Variants in CXADR observed in about 807,000 individuals in gnomAD.
CXADR encodes the protein CXADR cell adhesion molecule, also known as coxsackievirus and adenovirus receptor.
Under a neutral mutation model 40.3 loss-of-function variants are expected in CXADR, and 20 were observed. The observed-to-expected ratio is 0.50, with a 90% CI of 0.35 to 0.72. The LOEUF is 0.72. Ranked by LOEUF, CXADR falls within the 30% of genes least tolerant of loss-of-function variation. The pLI is 0.01. For synonymous variants in CXADR, 150 were observed against 161.3 expected (o/e 0.93, Z 0.53); for missense variants, 332 against 449.1 (o/e 0.74, Z 2.36).
chr21:17,518,945 C>A (rs1275745332), intron 1 of CXADR: 1 of 1,608,210 alleles, frequency 6.2e-7, no homozygotes, highest in African/African-American at 1.3e-5. Context: ...GTACCCTTGC[C>A]CCCTATCCGG....
intron 3 of CXADR, among the ~76,000 whole-genome samples, chr21:17,555,300 TCA>T (rs2061020494): frequency 6.6e-6 from 1 of 152,210 alleles, no homozygotes; most frequent in Non-Finnish European, 1.5e-5. Flanking sequence ...GTGTAGTGGC[TCA>T]GTCATCACTG....
At chr21:17,596,696 A>C (rs896796694), downstream of CXADR, among the ~76,000 whole-genome samples, 1 of 152,082 alleles carries the variant, frequency 6.6e-6, no homozygotes, top group Admixed American at 6.6e-5. Context: ...AATATATAAT[A>C]GCTTTGAATT....
At chr21:17,534,210 C>T (rs1307201801) in intron 1 of CXADR, among the ~76,000 whole-genome samples, 2 of 142,688 alleles carry the variant, frequency 1.4e-5, no homozygotes, top group South Asian at 2.2e-4. Context: ...GGGTTTCAAG[C>T]GATTCTTCTG....
At position 17,567,332 on chromosome 21, in the gene CXADR, A is replaced by T; in HGVS notation, c.*1640A>T. On this transcript the variant is annotated 3_prime_UTR_variant, in exon 7 of 7. Transcript: ENST00000284878. ...GTAATGGATTTGTGTATAGTTTTACATATTTGGAAGCATTTTAAAAACAGG... is the reference window on the plus strand; with the variant it reads ...GTAATGGATTTGTGTATAGTTTTACTTATTTGGAAGCATTTTAAAAACAGG... 2.0e-6 allele frequency: 2 copies of T among 985,358 alleles called. No individual in the cohort carries two copies. Among genetic ancestry groups the T allele is most frequent in the Non-Finnish European group, 2.4e-6 (2 of 829,832 alleles). 61.0% of individuals were successfully genotyped at this position (985,358 alleles called of 1,614,324 possible).
chr21:17,570,607 C>T (rs1452269232), downstream of CXADR, among the ~76,000 whole-genome samples: 2 of 152,238 alleles, frequency 1.3e-5, no homozygotes, highest in African/African-American at 4.8e-5. Flanking sequence ...GAGTGGAGTC[C>T]TCCTGACTTG....
chr21:17,622,986 T>G, the CXADR span, among the ~76,000 whole-genome samples: 1 of 152,184 alleles, frequency 6.6e-6, no homozygotes, highest in Admixed American at 6.6e-5. Context: ...ATATCTAAAA[T>G]TAAGTGATGA....
the CXADR span, among the ~76,000 whole-genome samples, chr21:17,620,228 G>A: frequency 6.6e-6 from 1 of 152,176 alleles, no homozygotes; most frequent in African/African-American, 2.4e-5. Flanking sequence ...AATGAGAGAT[G>A]TGTGACTCTT....
intron 7 of CXADR, among the ~76,000 whole-genome samples, chr21:17,585,005 T>G (rs1352117770): frequency 6.6e-6 from 1 of 152,230 alleles, no homozygotes; most frequent in Non-Finnish European, 1.5e-5. Context: ...ACAATGTTTG[T>G]TTTTTTCCAT....
chr21:17,604,157 G>A, the CXADR span: 3 of 1,280,390 alleles, frequency 2.3e-6, no homozygotes, highest in African/African-American at 3.2e-5. Flanking sequence ...AATCAAAAAG[G>A]AGGAGGCCGG....
At chr21:17,590,993 G>T (rs1188360763) in intron 7 of CXADR, among the ~76,000 whole-genome samples, 1 of 151,890 alleles carries the variant, frequency 6.6e-6, no homozygotes. Context: ...ATTTATTAGT[G>T]GTTAATCAAT....
intron 7 of CXADR, among the ~76,000 whole-genome samples, chr21:17,592,664 T>TA (rs563042574): frequency 1.3e-4 from 19 of 151,666 alleles, no homozygotes; most frequent in South Asian, 8.3e-4. Context: ...TAACTTTGGT[T>TA]AAAAAAAATT....
chr21:17,522,341 T>C (rs564025652), intron 1 of CXADR, among the ~76,000 whole-genome samples: 13 of 151,728 alleles, frequency 8.6e-5, no homozygotes, highest in Non-Finnish European at 1.9e-4. Context: ...AGAGCGGGGG[T>C]TTCTCCATGT....
At position 17,567,012 on chromosome 21, in the gene CXADR, G is replaced by C. The variant is rs1392235986; in HGVS notation, c.*1320G>C. The C allele has an allele frequency of 1.0e-6, 1 of 980,202 alleles. No homozygotes were observed. The highest frequency in any genetic ancestry group is 1.8e-5 in the African/African-American group (1 of 57,096). 60.7% of individuals were successfully genotyped at this position (980,202 alleles called of 1,614,324 possible). Reference sequence around the variant, plus strand: ...AGGAGTAAAGGGACTACTCCTCCTTGCCAAATGTGCTAAATATCATTTTAG... The same window carrying C: ...AGGAGTAAAGGGACTACTCCTCCTTCCCAAATGTGCTAAATATCATTTTAG... On this transcript the variant is annotated 3_prime_UTR_variant, in exon 7 of 7. Coordinates refer to ENST00000284878, the MANE Select transcript of CXADR (RefSeq NM_001338.5).
At chr21:17,629,997 A>G in the CXADR span, among the ~76,000 whole-genome samples, 2 of 152,208 alleles carry the variant, frequency 1.3e-5, no homozygotes, top group African/African-American at 4.8e-5. Flanking sequence ...AGAATAACCC[A>G]GGATGTCTCC....
chr21:17,626,033 C>A, the CXADR span, among the ~76,000 whole-genome samples: 1 of 152,180 alleles, frequency 6.6e-6, no homozygotes, highest in Non-Finnish European at 1.5e-5. Context: ...TGACATTTAG[C>A]CTTCCCTTCC....
At chr21:17,615,478 T>G in the CXADR span, among the ~76,000 whole-genome samples, 1 of 152,186 alleles carries the variant, frequency 6.6e-6, no homozygotes, top group African/African-American at 2.4e-5. Flanking sequence ...CTATGTATAA[T>G]TTATAAATTA....
chr21:17,518,398 A>C (rs1238959830), intron 1 of CXADR: 1 of 538,842 alleles, frequency 1.9e-6, no homozygotes, highest in African/African-American at 1.9e-5. Context: ...GCTGAACAGC[A>C]TTATTAATAT....
At chr21:17,615,920 C>T in the CXADR span, among the ~76,000 whole-genome samples, 1 of 152,164 alleles carries the variant, frequency 6.6e-6, no homozygotes, top group African/African-American at 2.4e-5. Context: ...ATATGTGAGT[C>T]TTTAAAATCC....
chr21:17,567,793 A>G lies in CXADR; in HGVS notation c.*2101A>G, dbSNP rs1436062060. 4.3e-6 allele frequency: 4 copies of G among 931,082 alleles called. No individual in the cohort carries two copies. The highest frequency in any genetic ancestry group is 5.1e-6 in the Non-Finnish European group (4 of 780,386). The allele number at this position is 931,082 out of a possible 1,614,324, so 57.7% of individuals were successfully genotyped here. A position where few individuals can be genotyped will look rare whatever the true frequency, so the allele number is the denominator to read the frequency against. On this transcript the variant is annotated 3_prime_UTR_variant, in exon 7 of 7. Coordinates refer to ENST00000284878, the MANE Select transcript of CXADR (RefSeq NM_001338.5). ...TTCTTCCTATTCCTGACTTTCATAT[A>G]ATGAAAATTATCCTATTGATCTAAG...
Sources: gnomAD v4.1 joint callset for allele counts (sites outside exome capture counted in the v4.1 genomes callset) on GRCh38, gnomAD v4.1.1 for gene constraint, MANE v1.5 for transcripts, NCBI Gene and HGNC (gene_info 2026-07-23, HGNC 2026-07-21) for gene names.